Variants in TNS3 observed in about 807,000 individuals in gnomAD.
TNS3 encodes the protein tensin 3.
In TNS3, 45 loss-of-function variants were observed where a neutral mutation model predicts 140.9. The ratio of observed to expected loss-of-function variants is 0.32; its 90% CI spans 0.25 to 0.41. The LOEUF is 0.41. Among genes scored for constraint, TNS3 ranks in the 10% least tolerant of loss-of-function variants. The pLI, the probability that TNS3 is intolerant of heterozygous loss-of-function variation, is 1.00. For synonymous variants in TNS3, 815 were observed against 788.4 expected, an observed-to-expected ratio of 1.03 and a Z score of -0.56; for missense variants, 1,716 against 1,906.7, an observed-to-expected ratio of 0.90 and a Z score of 1.86.
intron 16 of TNS3, among the ~76,000 whole-genome samples, chr7:47,374,622 T>C (rs1177499622): frequency 1.3e-5 from 2 of 152,234 alleles, no homozygotes; most frequent in African/African-American, 2.4e-5. Context: ...GGTCACTGCA[T>C]GGCTGACTGC....
In TNS3 at chr7:47,400,891, G is replaced by A; in HGVS notation, c.747C>T (p.Tyr249=). The change falls in exon 14 of 31, where the codon TAC becomes TAT. Residue 249 remains tyrosine, a synonymous_variant. Coordinates refer to ENST00000311160, the MANE Select transcript of TNS3 (RefSeq NM_022748.12). ...DVMVKCYHKK[Y]RSATRDVIFR... ...AAATGACGTCACGGGTGGCCGAGCG[G>A]TATTTCTTGTGGTAGCATTTCACCT... 6.2e-7 allele frequency: 1 copy of A among 1,614,204 alleles called. No homozygotes were observed. Among genetic ancestry groups the A allele is most frequent in the Non-Finnish European group, 8.5e-7 (1 of 1,180,022 alleles).
At chr7:47,444,693 A>G (rs969327976) in intron 4 of TNS3, among the ~76,000 whole-genome samples, 5 of 152,068 alleles carry the variant, frequency 3.3e-5, no homozygotes, top group Non-Finnish European at 1.5e-5. Context: ...GATCTTCTCA[A>G]TCCAATAGTC....
At position 47,320,340 on chromosome 7, in the gene TNS3, C is replaced by T. The variant is rs758225452; in HGVS notation, c.2651-15337G>A. Among the ~76,000 whole-genome samples, 14 of 152,308 alleles carry T rather than the reference C, an allele frequency of 9.2e-5. No homozygotes were observed. In the East Asian group the frequency reaches 1.2e-3, roughly 13 times the overall value. On this transcript the variant is annotated intron_variant, in intron 20 of 30. Coordinates refer to ENST00000311160, the MANE Select transcript of TNS3 (RefSeq NM_022748.12). ...GTTTCCCACCTCTAGCTCATTAGCA[C>T]GAACCTCATTCCTTTTCCTTTTCAC... is the stretch of plus-strand genomic sequence containing the variant.
chr7:47,555,091 C>CAAAATATTT (rs1442538867), intron 1 of TNS3, among the ~76,000 whole-genome samples: 1 of 151,678 alleles, frequency 6.6e-6, no homozygotes, highest in East Asian at 1.9e-4. Flanking sequence ...GAAATAACAA[C>CAAAATATTT]AAAATATTTA....
intron 23 of TNS3, among the ~76,000 whole-genome samples, chr7:47,300,236 G>A (rs1404955961): frequency 6.6e-6 from 1 of 152,096 alleles, no homozygotes; most frequent in Non-Finnish European, 1.5e-5. Context: ...ACTCTGACAC[G>A]GGCAGTAGAA....
intron 2 of TNS3, among the ~76,000 whole-genome samples, chr7:47,513,897 G>A (rs867058910): frequency 1.2e-4 from 19 of 152,336 alleles, no homozygotes; most frequent in African/African-American, 4.3e-4. Context: ...TCATGTTTAA[G>A]AATCCTGGCT....
chr7:47,489,590 G>A (rs567219040), intron 3 of TNS3, among the ~76,000 whole-genome samples: 13 of 152,334 alleles, frequency 8.5e-5, no homozygotes, highest in East Asian at 5.8e-4. Flanking sequence ...CCAGGCCTTC[G>A]CTGGCCTCAG....
At chr7:47,336,901 C>A (rs1562606350) in intron 20 of TNS3, among the ~76,000 whole-genome samples, 1 of 152,168 alleles carries the variant, frequency 6.6e-6, no homozygotes, top group Non-Finnish European at 1.5e-5. Flanking sequence ...CTTGACCAAA[C>A]CTTAGCCAGG....
At chr7:47,326,000 C>A (rs936302537) in intron 20 of TNS3, among the ~76,000 whole-genome samples, 8 of 152,204 alleles carry the variant, frequency 5.3e-5, no homozygotes, top group Admixed American at 3.3e-4. Context: ...GCTCCAACCA[C>A]GGGAGCTTTC....
intron 17 of TNS3, among the ~76,000 whole-genome samples, chr7:47,356,251 T>A (rs1789989916): frequency 6.6e-6 from 1 of 152,150 alleles, no homozygotes; most frequent in Non-Finnish European, 1.5e-5. Flanking sequence ...ATCACTAAAA[T>A]CCTAAAGCTC....
At chr7:47,420,291 G>A (rs79659474) in intron 10 of TNS3, among the ~76,000 whole-genome samples, 2,939 of 152,230 alleles carry the variant, frequency 0.019, 92 homozygotes, top group African/African-American at 0.067. Flanking sequence ...GTAATGGTTC[G>A]GCAATTATCA....
intron 17 of TNS3, among the ~76,000 whole-genome samples, chr7:47,360,973 C>T (rs1464851338): frequency 4.6e-5 from 7 of 151,910 alleles, no homozygotes; most frequent in Non-Finnish European, 8.8e-5. Flanking sequence ...AATTCAAGGC[C>T]CCTTCATTCT....
intron 17 of TNS3, among the ~76,000 whole-genome samples, chr7:47,365,396 G>T (rs965038654): frequency 6.6e-6 from 1 of 150,434 alleles, no homozygotes; most frequent in Non-Finnish European, 1.5e-5. Context: ...AGTGAGCCAA[G>T]ATTGTGCCAC....
intron 1 of TNS3, among the ~76,000 whole-genome samples, chr7:47,572,209 G>C (rs535442177): frequency 2.6e-4 from 39 of 152,364 alleles, no homozygotes; most frequent in Non-Finnish European, 2.4e-4. Flanking sequence ...GGACCATTTG[G>C]AGTAAGGCCA....
intron 4 of TNS3, among the ~76,000 whole-genome samples, chr7:47,463,142 A>G (rs1796558172): frequency 6.6e-6 from 1 of 152,146 alleles, no homozygotes; most frequent in South Asian, 2.1e-4. Flanking sequence ...ATTTTCACCA[A>G]CCGCTTCAAG....
At chr7:47,336,229 G>T (rs1415256136) in intron 20 of TNS3, among the ~76,000 whole-genome samples, 1 of 151,490 alleles carries the variant, frequency 6.6e-6, no homozygotes, top group Admixed American at 6.6e-5. Flanking sequence ...TCTACTGTTT[G>T]GTGTGTCAGG....
In TNS3 at chr7:47,400,894, T is replaced by C; in HGVS notation, c.744A>G (p.Lys248=). ...GDVMVKCYHK[K]YRSATRDVIF... is the part of the protein sequence containing the mutation. The stretch of plus-strand genomic sequence containing the variant: ...TGACGTCACGGGTGGCCGAGCGGTA[T>C]TTCTTGTGGTAGCATTTCACCTGGG... The change falls in exon 14 of 31, where the codon AAA becomes AAG. Residue 248 remains lysine, a synonymous_variant. Coordinates refer to ENST00000311160, the MANE Select transcript of TNS3 (RefSeq NM_022748.12). 1 of 1,614,180 alleles carries C rather than the reference T, an allele frequency of 6.2e-7. No individual in the cohort carries two copies.
At chr7:47,364,171 T>G (rs1790557673) in intron 17 of TNS3, among the ~76,000 whole-genome samples, 1 of 152,166 alleles carries the variant, frequency 6.6e-6, no homozygotes, top group African/African-American at 2.4e-5. Flanking sequence ...AAATTTAAAT[T>G]TTAAAATCAA....
intron 23 of TNS3, among the ~76,000 whole-genome samples, chr7:47,298,132 C>A (rs1016665091): frequency 6.6e-6 from 1 of 152,132 alleles, no homozygotes; most frequent in Admixed American, 6.5e-5. Flanking sequence ...AAAGGGCATA[C>A]CCAAAATGTT....
Sources: gnomAD v4.1 joint callset for allele counts (sites outside exome capture counted in the v4.1 genomes callset) on GRCh38, gnomAD v4.1.1 for gene constraint, MANE v1.5 for transcripts, NCBI Gene and HGNC (gene_info 2026-07-23, HGNC 2026-07-21) for gene names.